The following DLGAP1 variants were observed in gnomAD, a reference collection of about 807,000 sequenced individuals.
The protein encoded by DLGAP1 is DLG associated protein 1, also known as disks large-associated protein 1.
In DLGAP1, 11 loss-of-function variants were observed where a neutral mutation model predicts 90.8. The ratio of observed to expected loss-of-function variants is 0.12; its 90% CI spans 0.08 to 0.20. The LOEUF (loss-of-function observed/expected upper bound fraction) is 0.20. Ranked by LOEUF, DLGAP1 falls within the 10% of genes least tolerant of loss-of-function variation. The pLI is 1.00. For synonymous variants in DLGAP1, 558 were observed against 540.7 expected (o/e 1.03, Z -0.44); for missense variants, 1,050 against 1,333.8 (o/e 0.79, Z 3.31).
At chr18:3,717,855 CTT>C (rs1249565907) in intron 7 of DLGAP1, among the ~76,000 whole-genome samples, 1 of 152,170 alleles carries the variant, frequency 6.6e-6, no homozygotes, top group African/African-American at 2.4e-5. Context: ...TATTTAAAGT[CTT>C]TAACTCCTTG....
intron 1 of DLGAP1, among the ~76,000 whole-genome samples, chr18:4,445,452 C>A (rs2083640856): frequency 8.5e-6 from 1 of 118,026 alleles, no homozygotes; most frequent in African/African-American, 3.2e-5. Context: ...CCCCCCTCCC[C>A]CCACCCCACC....
Position 3,814,032 on chromosome 18 carries a change from C to G in DLGAP1, c.1172+27G>C, listed in dbSNP as rs780779471. The G allele has an allele frequency of 2.5e-6, 4 of 1,607,074 alleles. No individual in the cohort carries two copies. The South Asian group carries it at 3.3e-5, about 13-fold the overall frequency. ...GTGATAATACAAGCACCTGGACTAT[C>G]GCAAGTGCAGGGTTAGGACTACTCA... On this transcript the variant is annotated intron_variant, in intron 5 of 12. Transcript: ENST00000315677.
chr18:3,619,611 T>A (rs1199950554), intron 7 of DLGAP1, among the ~76,000 whole-genome samples: 1 of 152,252 alleles, frequency 6.6e-6, no homozygotes, highest in East Asian at 1.9e-4. Flanking sequence ...CTTCTTCCAG[T>A]CTCTTTGACT....
intron 1 of DLGAP1, among the ~76,000 whole-genome samples, chr18:4,384,801 A>AC (rs2082197351): frequency 2.0e-5 from 3 of 149,036 alleles, no homozygotes; most frequent in African/African-American, 7.8e-5. Context: ...ACAAACAAAA[A>AC]TCTATCTTAT....
At chr18:3,899,240 T>C (rs2071729431) in intron 3 of DLGAP1, among the ~76,000 whole-genome samples, 1 of 152,228 alleles carries the variant, frequency 6.6e-6, no homozygotes, top group African/African-American at 2.4e-5. Context: ...CCATGGCAGC[T>C]TTTCCTCTGA....
chr18:4,438,932 C>T (rs1431237148), intron 1 of DLGAP1, among the ~76,000 whole-genome samples: 2 of 152,172 alleles, frequency 1.3e-5, no homozygotes, highest in Non-Finnish European at 2.9e-5. Flanking sequence ...AACTGAGACC[C>T]TGAGGGAGGA....
chr18:3,600,929 T>G (rs1220250318), intron 7 of DLGAP1, among the ~76,000 whole-genome samples: 1 of 72,734 alleles, frequency 1.4e-5, no homozygotes, highest in Non-Finnish European at 3.6e-5. Flanking sequence ...TAGATATATA[T>G]AGATATATAG....
Position 3,880,085 on chromosome 18 carries a change from C to G in DLGAP1, c.-17G>C, listed in dbSNP as rs369811883. The G allele has an allele frequency of 9.5e-5, 151 of 1,595,912 alleles. No individual in the cohort carries two copies. Among genetic ancestry groups the G allele is most frequent in the Non-Finnish European group, 1.1e-4 (128 of 1,178,580 alleles). Reference sequence around the variant, plus strand: ...CCCTTTCATGGCGGACCGGAAGCAGCCGCCAGGGTCATGGACACCCGGAAG... The same window carrying G: ...CCCTTTCATGGCGGACCGGAAGCAGGCGCCAGGGTCATGGACACCCGGAAG... On this transcript the variant is annotated 5_prime_UTR_variant, in exon 4 of 13. Transcript: ENST00000315677.
At chr18:4,439,227 T>C (rs2083472811) in intron 1 of DLGAP1, among the ~76,000 whole-genome samples, 1 of 152,216 alleles carries the variant, frequency 6.6e-6, no homozygotes, top group Admixed American at 6.5e-5. Flanking sequence ...ATGGGGATTT[T>C]GCCATTTCTA....
chr18:3,869,167 T>C (rs1056609512), intron 4 of DLGAP1, among the ~76,000 whole-genome samples: 1 of 152,020 alleles, frequency 6.6e-6, no homozygotes, highest in African/African-American at 2.4e-5. Flanking sequence ...TTTTTTTTTT[T>C]TCCCTGTATG....
chr18:4,362,939 T>A (rs572457517), intron 1 of DLGAP1, among the ~76,000 whole-genome samples: 1 of 152,062 alleles, frequency 6.6e-6, no homozygotes, highest in African/African-American at 2.4e-5. Flanking sequence ...GAGGGCCAAC[T>A]TGACTTGGAG....
chr18:4,255,533 T>C (rs1490818240), intron 1 of DLGAP1, among the ~76,000 whole-genome samples: 2 of 150,730 alleles, frequency 1.3e-5, no homozygotes, highest in Non-Finnish European at 1.5e-5. Flanking sequence ...ACAATTTTCT[T>C]TCCAACTGTA....
chr18:4,107,911 TTTA>T (rs1287242831), intron 2 of DLGAP1, among the ~76,000 whole-genome samples: 1 of 152,212 alleles, frequency 6.6e-6, no homozygotes, highest in Non-Finnish European at 1.5e-5. Context: ...TTGGTTTTTG[TTTA>T]TTTACTCTAA....
intron 5 of DLGAP1, among the ~76,000 whole-genome samples, chr18:3,754,278 AC>A (rs1005791574): frequency 2.6e-5 from 4 of 152,168 alleles, no homozygotes; most frequent in Non-Finnish European, 5.9e-5. Flanking sequence ...CTGAAATTAC[AC>A]GCATGAGCCA....
At chr18:3,854,994 T>C (rs78306331) in intron 4 of DLGAP1, among the ~76,000 whole-genome samples, 2,344 of 152,288 alleles carry the variant, frequency 0.015, 49 homozygotes, top group African/African-American at 0.054. Context: ...TCTTAAAGAA[T>C]TGCTGAAGGC....
chr18:4,090,013 C>A (rs1018214702), intron 2 of DLGAP1, among the ~76,000 whole-genome samples: 2 of 152,012 alleles, frequency 1.3e-5, no homozygotes, highest in African/African-American at 4.8e-5. Flanking sequence ...CCGCTGCACT[C>A]CAGCCTGGGT....
intron 1 of DLGAP1, among the ~76,000 whole-genome samples, chr18:4,382,312 C>A (rs1379238043): frequency 2.0e-5 from 3 of 152,050 alleles, no homozygotes; most frequent in African/African-American, 4.8e-5. Flanking sequence ...AGTTACCTTG[C>A]AGCATTTTCA....
intron 1 of DLGAP1, among the ~76,000 whole-genome samples, chr18:4,205,149 G>A (rs1009860240): frequency 5.9e-5 from 9 of 152,300 alleles, no homozygotes; most frequent in African/African-American, 1.9e-4. Context: ...GAGGTAATAG[G>A]AAGCTTTTCA....
intron 9 of DLGAP1, among the ~76,000 whole-genome samples, chr18:3,564,441 A>C (rs138631035): frequency 3.3e-4 from 51 of 152,304 alleles, no homozygotes; most frequent in Non-Finnish European, 4.4e-4. Context: ...CTAGGCTCTG[A>C]TAAAACCCCA....
Sources: gnomAD v4.1 joint callset for allele counts (sites outside exome capture counted in the v4.1 genomes callset) on GRCh38, gnomAD v4.1.1 for gene constraint, MANE v1.5 for transcripts, NCBI Gene and HGNC (gene_info 2026-07-23, HGNC 2026-07-21) for gene names.